Variants in CYRIA observed in about 807,000 individuals in gnomAD.
CYRIA encodes CYFIP-related Rac1 interactor A.
In CYRIA, 15 loss-of-function variants were observed where a neutral mutation model predicts 43.9. The ratio of observed to expected loss-of-function variants is 0.34; its 90% confidence interval spans 0.23 to 0.53. The LOEUF (loss-of-function observed/expected upper bound fraction) is 0.53. Among genes scored for constraint, CYRIA ranks in the 20% least tolerant of loss-of-function variants. The pLI is 0.94. For synonymous variants in CYRIA, 117 were observed against 136.0 expected (o/e 0.86, Z 0.97); for missense variants, 236 against 394.2 (o/e 0.60, Z 3.40).
chr2:16,581,777 T>C (rs1315990215), intron 3 of CYRIA, among the ~76,000 whole-genome samples: 2 of 152,110 alleles, frequency 1.3e-5, no homozygotes, highest in African/African-American at 2.4e-5. Flanking sequence ...TTACTAATTA[T>C]AGCCCCAAAC....
chr2:16,611,484 A>T (rs1287620995), intron 2 of CYRIA, among the ~76,000 whole-genome samples: 2 of 152,242 alleles, frequency 1.3e-5, no homozygotes, highest in Non-Finnish European at 1.5e-5. Flanking sequence ...AAGGATGAGA[A>T]TCTGCATTCA....
intron 2 of CYRIA, among the ~76,000 whole-genome samples, chr2:16,620,513 T>TATA (rs1177582432): frequency 6.6e-6 from 1 of 152,200 alleles, no homozygotes; most frequent in Non-Finnish European, 1.5e-5. Flanking sequence ...ACTATAATCT[T>TATA]ATAATAATAT....
At chr2:16,647,713 C>T (rs927202050) in intron 1 of CYRIA, among the ~76,000 whole-genome samples, 1 of 152,222 alleles carries the variant, frequency 6.6e-6, no homozygotes, top group African/African-American at 2.4e-5. Flanking sequence ...CACTTTCTTT[C>T]TCCTCTGCCT....
chr2:16,649,069 A>G (rs1432911159), intron 1 of CYRIA, among the ~76,000 whole-genome samples: 4 of 151,718 alleles, frequency 2.6e-5, no homozygotes, highest in South Asian at 2.1e-4. Context: ...AAATACTCAG[A>G]AAAAAAAATA....
chr2:16,602,013 C>T (rs1241149270), intron 2 of CYRIA, among the ~76,000 whole-genome samples: 1 of 152,226 alleles, frequency 6.6e-6, no homozygotes, highest in Admixed American at 6.5e-5. Context: ...GAGTAGATCA[C>T]AAGCTCCTAG....
chr2:16,611,130 C>T (rs548907584), intron 2 of CYRIA, among the ~76,000 whole-genome samples: 197 of 151,142 alleles, frequency 1.3e-3, no homozygotes, highest in African/African-American at 4.6e-3. Context: ...GAGGCTGAGG[C>T]GGGCAGATCA....
intron 2 of CYRIA, among the ~76,000 whole-genome samples, chr2:16,607,893 G>A (rs767424851): frequency 1.8e-4 from 27 of 152,242 alleles, no homozygotes; most frequent in Non-Finnish European, 3.2e-4. Flanking sequence ...CAGAGTGCCC[G>A]GTCCTTGCCT....
At chr2:16,599,603 G>A (rs1269103767) in intron 2 of CYRIA, among the ~76,000 whole-genome samples, 7 of 140,654 alleles carry the variant, frequency 5.0e-5, no homozygotes, top group Non-Finnish European at 7.7e-5. Flanking sequence ...CGCACGGTGC[G>A]CACACACACT....
chr2:16,558,546 C>T (rs1441115895), intron 10 of CYRIA, among the ~76,000 whole-genome samples: 1 of 152,106 alleles, frequency 6.6e-6, no homozygotes, highest in Non-Finnish European at 1.5e-5. Flanking sequence ...TAAATGAGTA[C>T]ATGGAATACA....
At chr2:16,641,858 T>C (rs1669686876) in intron 1 of CYRIA, among the ~76,000 whole-genome samples, 1 of 152,184 alleles carries the variant, frequency 6.6e-6, no homozygotes, top group Non-Finnish European at 1.5e-5. Context: ...AAGCCAATGG[T>C]CAACTCTCTC....
intron 3 of CYRIA, among the ~76,000 whole-genome samples, chr2:16,586,714 T>C (rs1184357944): frequency 3.3e-5 from 5 of 152,000 alleles, no homozygotes; most frequent in African/African-American, 1.2e-4. Context: ...AAGGGTATTA[T>C]AGCATTTCCT....
intron 1 of CYRIA, among the ~76,000 whole-genome samples, chr2:16,657,105 G>A (rs190491997): frequency 4.6e-5 from 7 of 152,300 alleles, no homozygotes; most frequent in Admixed American, 4.6e-4. Flanking sequence ...TTAATTCTCA[G>A]AGAGACAAAG....
At chr2:16,662,803 C>T (rs1328548468) in intron 1 of CYRIA, among the ~76,000 whole-genome samples, 1 of 152,000 alleles carries the variant, frequency 6.6e-6, no homozygotes, top group Non-Finnish European at 1.5e-5. Context: ...TCATGGGTGA[C>T]CTAGTCAAGT....
intron 3 of CYRIA, among the ~76,000 whole-genome samples, chr2:16,579,411 A>G (rs1667468378): frequency 7.6e-6 from 1 of 132,420 alleles, no homozygotes; most frequent in Admixed American, 7.6e-5. Flanking sequence ...TTAAAATCAC[A>G]TGCACATGCA....
chr2:16,616,524 C>A (rs1217938108), intron 2 of CYRIA, among the ~76,000 whole-genome samples: 1 of 152,190 alleles, frequency 6.6e-6, no homozygotes, highest in African/African-American at 2.4e-5. Flanking sequence ...ATCCTAAGAC[C>A]TTTCCTTGGT....
At chr2:16,585,375 A>G (rs1049077251) in intron 3 of CYRIA, among the ~76,000 whole-genome samples, 5 of 152,118 alleles carry the variant, frequency 3.3e-5, no homozygotes, top group Non-Finnish European at 7.4e-5. Flanking sequence ...GGAGAGCCAC[A>G]GAGATCTTTG....
chr2:16,560,680 C>T (rs1666692529), intron 9 of CYRIA: 1 of 389,290 alleles, frequency 2.6e-6, no homozygotes, highest in Non-Finnish European at 4.8e-6. Flanking sequence ...GATGTCCCAT[C>T]ATTTAACACA....
Position 16,549,627 on chromosome 2 carries a change from G to A in CYRIA, c.*3309C>T, listed in dbSNP as rs1339208777. 6.6e-6 allele frequency: 1 copy of A among 151,966 alleles called. No homozygotes were observed. Among genetic ancestry groups the A allele is most frequent in the Non-Finnish European group, 1.5e-5 (1 of 67,982 alleles). The allele number at this position is 151,966 out of a possible 1,614,324, so 9.4% of individuals were successfully genotyped here. ...CCTTTATAGACGTAGTGAGAAAACT[G>A]GGTTCCAAGGTTTTGAACTCTTTAA... On this transcript the variant is annotated 3_prime_UTR_variant, in exon 12 of 12. Transcript: ENST00000381323.
chr2:16,622,265 C>T (rs910654370), intron 2 of CYRIA, among the ~76,000 whole-genome samples: 1 of 152,140 alleles, frequency 6.6e-6, no homozygotes, highest in Non-Finnish European at 1.5e-5. Context: ...AGTAGTAGTT[C>T]TAACTTTGGG....
Sources: allele counts gnomAD v4.1 joint callset (sites outside exome capture counted in the v4.1 genomes callset), GRCh38; gene constraint gnomAD v4.1.1; transcripts MANE v1.5; gene names NCBI Gene and HGNC (gene_info 2026-07-23, HGNC 2026-07-21).